The following CNOT6L variants were observed in gnomAD, a reference collection of about 807,000 sequenced individuals.
CNOT6L encodes CCR4-NOT transcription complex subunit 6-like.
CNOT6L carries 7 observed loss-of-function variants against 64.0 expected under a neutral mutation model. That is an observed-to-expected ratio of 0.11 (90% CI 0.06 to 0.21). CNOT6L has a LOEUF of 0.21. CNOT6L is among the 10% of genes least tolerant of loss of function. The pLI, the probability that CNOT6L is intolerant of heterozygous loss-of-function variation, is 1.00. For synonymous variants in CNOT6L, 193 were observed against 243.4 expected (o/e 0.79, Z 1.93); for missense variants, 245 against 669.0 (o/e 0.37, Z 6.99).
intron 11 of CNOT6L, among the ~76,000 whole-genome samples, chr4:77,725,262 A>G (rs563041320): frequency 6.6e-6 from 1 of 152,326 alleles, no homozygotes; most frequent in East Asian, 1.9e-4. Context: ...AAAAATAGAA[A>G]AAGGTTATTG....
chr4:77,810,434 T>C (rs1380644089), intron 1 of CNOT6L, among the ~76,000 whole-genome samples: 1 of 152,162 alleles, frequency 6.6e-6, no homozygotes, highest in Non-Finnish European at 1.5e-5. Context: ...GACAGCTAGA[T>C]TCAAAGTACA....
chr4:77,807,976 T>G (rs1442282666), intron 1 of CNOT6L, among the ~76,000 whole-genome samples: 2 of 152,150 alleles, frequency 1.3e-5, no homozygotes, highest in Non-Finnish European at 2.9e-5. Context: ...TAGGGGTCAG[T>G]CAATAAGCTG....
At chr4:77,819,405 G>A, upstream of CNOT6L, 4 of 1,604,618 alleles carry the variant, frequency 2.5e-6, no homozygotes, top group Non-Finnish European at 1.7e-6. Context: ...GGCCCCCACA[G>A]ATGCTTCCCC....
Position 77,729,047 on chromosome 4 carries a change from C to G in CNOT6L, c.1059G>C (p.Leu353=), listed in dbSNP as rs773820386. The change falls in exon 10 of 12, where the codon CTG becomes CTC. Residue 353 remains leucine, a synonymous_variant. Coordinates refer to ENST00000504123, the MANE Select transcript of CNOT6L (RefSeq NM_144571.3). ...MKPIHAADKQ[L]LIVANAHMHW... is the part of the protein sequence containing the mutation. The stretch of plus-strand genomic sequence containing the variant: ...GCATGTGGGCATTTGCCACTATAAG[C>G]AGCTGTTTGTCTGCAGCATGAATAG... The G allele has an allele frequency of 1.2e-6, 2 of 1,613,314 alleles. No individual in the cohort carries two copies. Among genetic ancestry groups the G allele is most frequent in the South Asian group, 2.2e-5 (2 of 91,066 alleles).
At chr4:77,732,572 C>T (rs1722563432) in intron 8 of CNOT6L, among the ~76,000 whole-genome samples, 1 of 152,060 alleles carries the variant, frequency 6.6e-6, no homozygotes, top group Non-Finnish European at 1.5e-5. Context: ...CCCTTCCCTC[C>T]TCCAATTCTG....
At chr4:77,814,303 T>C (rs1733317719) in intron 1 of CNOT6L, among the ~76,000 whole-genome samples, 1 of 152,188 alleles carries the variant, frequency 6.6e-6, no homozygotes, top group Admixed American at 6.5e-5. Context: ...ATGGTGATGG[T>C]TGCACAATTG....
chr4:77,760,592 G>A (rs560789600), intron 4 of CNOT6L, among the ~76,000 whole-genome samples: 26 of 150,500 alleles, frequency 1.7e-4, no homozygotes, highest in South Asian at 1.3e-3. Flanking sequence ...AAAAAATACC[G>A]AATTCAAAGC....
At chr4:77,784,079 C>T (rs892213860) in intron 1 of CNOT6L, among the ~76,000 whole-genome samples, 1 of 152,020 alleles carries the variant, frequency 6.6e-6, no homozygotes, top group Non-Finnish European at 1.5e-5. Flanking sequence ...CCAGAGATAA[C>T]TTACAGGAAG....
At chr4:77,818,553 A>G (rs1194122490) in intron 1 of CNOT6L, among the ~76,000 whole-genome samples, 1 of 152,202 alleles carries the variant, frequency 6.6e-6, no homozygotes, top group African/African-American at 2.4e-5. Flanking sequence ...AGAAGGGAAC[A>G]CGACACCGCG....
chr4:77,811,152 AAAAG>A (rs1308527792), intron 1 of CNOT6L, among the ~76,000 whole-genome samples: 1 of 152,178 alleles, frequency 6.6e-6, no homozygotes, highest in African/African-American at 2.4e-5. Flanking sequence ...AGTATTTTTC[AAAAG>A]AAAGGATACT....
intron 8 of CNOT6L, 78 bp downstream of exon 8, chr4:77,742,063 C>A: frequency 7.3e-7 from 1 of 1,361,458 alleles, no homozygotes; most frequent in Non-Finnish European, 1.0e-6. Flanking sequence ...TTTTATAGGG[C>A]AAAACCAAAG....
chr4:77,767,006 T>C (rs1176978586), intron 4 of CNOT6L, among the ~76,000 whole-genome samples: 2 of 127,328 alleles, frequency 1.6e-5, no homozygotes, highest in Non-Finnish European at 3.1e-5. Flanking sequence ...GTGGTTGCAG[T>C]GAGCCAAGAT....
intron 1 of CNOT6L, among the ~76,000 whole-genome samples, chr4:77,809,051 C>T (rs1290511571): frequency 6.6e-6 from 1 of 152,094 alleles, no homozygotes; most frequent in Admixed American, 6.6e-5. Flanking sequence ...AAATACTTTA[C>T]AGGACTACAT....
At chr4:77,790,053 T>C (rs984743999) in intron 1 of CNOT6L, among the ~76,000 whole-genome samples, 1 of 151,962 alleles carries the variant, frequency 6.6e-6, no homozygotes, top group Non-Finnish European at 1.5e-5. Flanking sequence ...CTCTGTGCTC[T>C]GCCTATTTAT....
intron 1 of CNOT6L, among the ~76,000 whole-genome samples, chr4:77,813,047 C>G (rs1733133686): frequency 6.6e-6 from 1 of 152,098 alleles, no homozygotes; most frequent in African/African-American, 2.4e-5. Context: ...ATCCTCCACA[C>G]TTACAGTTAA....
intron 1 of CNOT6L, among the ~76,000 whole-genome samples, chr4:77,818,780 G>A (rs1733877639): frequency 6.6e-6 from 1 of 151,914 alleles, no homozygotes; most frequent in African/African-American, 2.4e-5. Context: ...GTCCCGGGAG[G>A]CGTCCGGGGA....
At chr4:77,817,145 G>A (rs991269633) in intron 1 of CNOT6L, among the ~76,000 whole-genome samples, 1 of 151,788 alleles carries the variant, frequency 6.6e-6, no homozygotes, top group Non-Finnish European at 1.5e-5. Flanking sequence ...TATAGAGGTT[G>A]AAAATTTTTT....
At chr4:77,819,093 C>CACACACACACACACACACACACACACA (rs1733988013) in intron 1 of CNOT6L, 1 of 813,868 alleles carries the variant, frequency 1.2e-6, no homozygotes, top group African/African-American at 1.9e-5. Context: ...CCTTCGCCCG[C>CACACACACACACACACACACACACACA]CTCTGAAGAG....
In CNOT6L at chr4:77,715,862, T is replaced by C. The variant is rs886914868; in HGVS notation, c.*4569A>G. 5.3e-5 allele frequency: 8 copies of C among 152,370 alleles called. No individual in the cohort carries two copies. Among genetic ancestry groups the C allele is most frequent in the Non-Finnish European group, 1.2e-4 (8 of 67,882 alleles). The allele number at this position is 152,370 out of a possible 1,614,324, so 9.4% of individuals were successfully genotyped here. On this transcript the variant is annotated 3_prime_UTR_variant, in exon 12 of 12. Transcript: ENST00000504123. ...TCCTGTTCTTAAACAGATTAGAACT[T>C]TGGTAAATAAGACAGATTAAAGATG...
Sources: gnomAD v4.1 joint callset for allele counts (sites outside exome capture counted in the v4.1 genomes callset) on GRCh38, gnomAD v4.1.1 for gene constraint, MANE v1.5 for transcripts, NCBI Gene and HGNC (gene_info 2026-07-23, HGNC 2026-07-21) for gene names.